Variants in DNAH14 observed in about 807,000 individuals in gnomAD.
DNAH14 encodes dynein axonemal heavy chain 14, also known as axonemal beta dynein heavy chain 14.
In DNAH14, 478 loss-of-function variants were observed where a neutral mutation model predicts 520.9. The ratio of observed to expected loss-of-function variants is 0.92; its 90% CI spans 0.85 to 0.99. The LOEUF (loss-of-function observed/expected upper bound fraction) is 0.99. Ranked by LOEUF, DNAH14 falls within the 50% of genes least tolerant of loss-of-function variation. The pLI, the probability that DNAH14 is intolerant of heterozygous loss-of-function variation, is 0.00. For missense variants in DNAH14, 4,831 were observed against 5,234.5 expected, an observed-to-expected ratio of 0.92 and a Z score of 2.38; for synonymous variants, 1,581 against 1,757.2, an observed-to-expected ratio of 0.90 and a Z score of 2.51.
chr1:225,236,305 C>T (rs188600537), intron 42 of DNAH14, among the ~76,000 whole-genome samples: 1 of 152,202 alleles, frequency 6.6e-6, no homozygotes, highest in East Asian at 1.9e-4. Context: ...TTGAGGAGCA[C>T]GTTGTTCAAT....
rs1274604429 is a variant in DNAH14 at position 224,967,940 on chromosome 1, T to A, written c.651+357T>A. ...TTTATTGGCACATTTGTCAGAAACTTTATTGCCAGATGTAGAAATCCCCCT... is the reference window on the plus strand; with the variant it reads ...TTTATTGGCACATTTGTCAGAAACTATATTGCCAGATGTAGAAATCCCCCT... On this transcript the variant is annotated intron_variant, in intron 6 of 85. Coordinates refer to ENST00000682510, the MANE Select transcript of DNAH14 (RefSeq NM_001367479.1). 4.2e-6 allele frequency: 5 copies of A among 1,178,894 alleles called. No individual in the cohort carries two copies. The Admixed American group carries it at 1.8e-4, about 42-fold the overall frequency. 73.0% of individuals were successfully genotyped at this position (1,178,894 alleles called of 1,614,324 possible).
chr1:225,168,119 T>C, intron 36 of DNAH14, 91 bp downstream of exon 36: 1 of 735,570 alleles, frequency 1.4e-6, no homozygotes. Flanking sequence ...AAAAGAGAGC[T>C]GTTACAGGTA....
intron 1 of DNAH14, among the ~76,000 whole-genome samples, chr1:224,938,068 T>C (rs79166899): frequency 0.024 from 3,616 of 152,272 alleles, 111 homozygotes; most frequent in African/African-American, 0.074. Flanking sequence ...ATTAAAGACC[T>C]GAATCTAAGA....
At chr1:225,193,688 A>T (rs555852239) in intron 38 of DNAH14, among the ~76,000 whole-genome samples, 4 of 152,146 alleles carry the variant, frequency 2.6e-5, no homozygotes, top group Non-Finnish European at 5.9e-5. Flanking sequence ...TAGTATTGCA[A>T]TTCCTAGCCA....
In DNAH14 at chr1:224,959,197, A is replaced by G. The variant is rs544648239; in HGVS notation, c.218-956A>G. ...TCACAACTACCTCACCAATCTTTCC[A>G]CTAATGCCCACATTTTTTTCATTGT... On this transcript the variant is annotated intron_variant, in intron 3 of 85. Transcript: ENST00000682510. 9.2e-5 allele frequency among the ~76,000 whole-genome samples: 14 copies of G among 152,174 alleles called. No individual in the cohort carries two copies. In the East Asian group the frequency reaches 2.5e-3, roughly 27 times the overall value.
intron 27 of DNAH14, among the ~76,000 whole-genome samples, chr1:225,130,565 C>T (rs869212569): frequency 6.7e-6 from 1 of 149,164 alleles, no homozygotes; most frequent in African/African-American, 2.5e-5. Flanking sequence ...TAAAATATCG[C>T]AAGGATAAAA....
intron 17 of DNAH14, among the ~76,000 whole-genome samples, chr1:225,064,311 T>G (rs960069252): frequency 6.6e-6 from 1 of 152,070 alleles, no homozygotes; most frequent in Non-Finnish European, 1.5e-5. Flanking sequence ...AGAATTTTCA[T>G]ACATTGCAGA....
intron 54 of DNAH14, among the ~76,000 whole-genome samples, chr1:225,280,287 A>C (rs2093597575): frequency 1.3e-5 from 2 of 152,192 alleles, no homozygotes. Flanking sequence ...GCCCCAATAC[A>C]TTAATCTTCA....
At chr1:225,198,147 C>A (rs1161938040) in intron 38 of DNAH14, among the ~76,000 whole-genome samples, 1 of 152,058 alleles carries the variant, frequency 6.6e-6, no homozygotes, top group East Asian at 1.9e-4. Flanking sequence ...AACTTTTTCC[C>A]ACTCACTATT....
chr1:224,929,843 C>T lies in DNAH14; in HGVS notation c.-34+8C>T. On this transcript the variant is annotated splice_region_variant and intron_variant, in intron 1 of 85. Transcript: ENST00000682510. ...CGGACCACGGCGCGGCGGGTAAGGT[C>T]GTCAGCGTCTTCCTGTCAGCGGTCG... is the stretch of plus-strand genomic sequence containing the variant. 1 of 683,380 alleles carries T rather than the reference C, an allele frequency of 1.5e-6. No individual in the cohort carries two copies. The highest frequency in any genetic ancestry group is 2.7e-6 in the Non-Finnish European group (1 of 372,810). 42.3% of individuals were successfully genotyped at this position (683,380 alleles called of 1,614,324 possible).
intron 1 of DNAH14, among the ~76,000 whole-genome samples, chr1:224,933,091 G>A (rs2058798394): frequency 6.6e-6 from 1 of 151,734 alleles, no homozygotes; most frequent in Non-Finnish European, 1.5e-5. Flanking sequence ...AGTTTGTGTT[G>A]TATTCAATTT....
chr1:225,273,778 C>A (rs1400062770), intron 52 of DNAH14, among the ~76,000 whole-genome samples: 1 of 152,154 alleles, frequency 6.6e-6, no homozygotes, highest in Non-Finnish European at 1.5e-5. Context: ...ATCTAGGTCA[C>A]AAAGGAAAGT....
chr1:225,045,651 G>C (rs559971800), intron 15 of DNAH14, among the ~76,000 whole-genome samples: 1 of 152,002 alleles, frequency 6.6e-6, no homozygotes, highest in African/African-American at 2.4e-5. Context: ...TGAGTTTGAG[G>C]ATATACATCT....
intron 27 of DNAH14, among the ~76,000 whole-genome samples, chr1:225,128,466 C>G (rs2078007497): frequency 6.6e-6 from 1 of 152,072 alleles, no homozygotes; most frequent in South Asian, 2.1e-4. Context: ...AGCTTCTCCA[C>G]CATGATCAAG....
At chr1:225,110,899 T>C (rs976388995) in intron 23 of DNAH14, among the ~76,000 whole-genome samples, 1 of 152,166 alleles carries the variant, frequency 6.6e-6, no homozygotes, top group Non-Finnish European at 1.5e-5. Context: ...TTCAGGAGCA[T>C]ATGGTTTAAA....
At chr1:225,163,344 T>C (rs988683527) in intron 35 of DNAH14, among the ~76,000 whole-genome samples, 2 of 152,154 alleles carry the variant, frequency 1.3e-5, no homozygotes, top group African/African-American at 4.8e-5. Context: ...TTGGATGCCC[T>C]TTATTTCTTT....
At chr1:224,991,084 C>CATTTTTT (rs1558617220) in intron 8 of DNAH14, among the ~76,000 whole-genome samples, 1 of 77,900 alleles carries the variant, frequency 1.3e-5, no homozygotes, top group Admixed American at 1.4e-4. Flanking sequence ...TGATGTTGAG[C>CATTTTTT]TTTTTTTTTT....
chr1:224,954,421 A>G (rs921775672), intron 2 of DNAH14: 5 of 152,318 alleles, frequency 3.3e-5, no homozygotes, highest in East Asian at 1.9e-4. Context: ...GATCTACCAT[A>G]TAAGTCTATT....
intron 23 of DNAH14, among the ~76,000 whole-genome samples, chr1:225,108,059 T>TGG (rs2076219909): frequency 6.6e-6 from 1 of 152,176 alleles, no homozygotes; most frequent in African/African-American, 2.4e-5. Flanking sequence ...CCACCCTCAA[T>TGG]CTGGGTAGAC....
Sources: gnomAD v4.1 joint callset for allele counts (sites outside exome capture counted in the v4.1 genomes callset) on GRCh38, gnomAD v4.1.1 for gene constraint, MANE v1.5 for transcripts, NCBI Gene and HGNC (gene_info 2026-07-23, HGNC 2026-07-21) for gene names.